SLC2A12: variants seen among roughly 807,000 people sequenced by gnomAD.
SLC2A12 encodes solute carrier family 2 member 12.
A neutral mutation model predicts 41.8 loss-of-function variants in SLC2A12; 23 were observed. The observed-to-expected ratio is 0.55, with a 90% confidence interval of 0.40 to 0.78. The LOEUF is 0.78. Among genes scored for constraint, SLC2A12 ranks in the 30% least tolerant of loss-of-function variants. The probability of loss-of-function intolerance (pLI) is 0.00; values close to 1 mark genes in which losing one functional copy is unlikely to be tolerated. For synonymous variants in SLC2A12, 295 were observed against 285.9 expected (o/e 1.03, Z -0.32); for missense variants, 654 against 745.6 (o/e 0.88, Z 1.43).
Position 133,989,230 on chromosome 6 carries a change from G to A in SLC2A12, c.*1925C>T, listed in dbSNP as rs1426754709. 1.3e-5 allele frequency: 2 copies of A among 152,082 alleles called. No homozygotes were observed. The highest frequency in any genetic ancestry group is 2.4e-5 in the African/African-American group (1 of 41,424). 9.4% of individuals were successfully genotyped at this position (152,082 alleles called of 1,614,324 possible). On this transcript the variant is annotated 3_prime_UTR_variant, in exon 5 of 5. Coordinates refer to ENST00000275230, the MANE Select transcript of SLC2A12 (RefSeq NM_145176.3). ...AAAAACTGTGAATATATATGTACAA[G>A]TTGTAAGTATTTCCCCCTTTTTATT...
chr6:133,987,660 A>ATATATATATATATG lies in SLC2A12; in HGVS notation c.*3494_*3495insCATATATATATATA, dbSNP rs1014795332. The ATATATATATATATG allele has an allele frequency of 4.8e-5, 7 of 145,008 alleles. No homozygotes were observed. The highest frequency in any genetic ancestry group is 7.1e-5 in the Admixed American group (1 of 14,032). The allele number at this position is 145,008 out of a possible 1,614,324, so 9.0% of individuals were successfully genotyped here. A position where few individuals can be genotyped will look rare whatever the true frequency, so the allele number is the denominator to read the frequency against. On this transcript the variant is annotated 3_prime_UTR_variant, in exon 5 of 5. Transcript: ENST00000275230. ...TGTGTGTGTGTGTGTATATATATAT[A>ATATATATATATATG]TATATATGCACCACATGTGTATAGT...
At chr6:133,995,843 G>A (rs1294383793) in intron 4 of SLC2A12, among the ~76,000 whole-genome samples, 1 of 152,194 alleles carries the variant, frequency 6.6e-6, no homozygotes, top group Non-Finnish European at 1.5e-5. Flanking sequence ...CTAACTCATT[G>A]TCAAAGATTA....
At chr6:134,001,088 G>A (rs944323690) in intron 4 of SLC2A12, among the ~76,000 whole-genome samples, 12 of 151,710 alleles carry the variant, frequency 7.9e-5, no homozygotes, top group Admixed American at 2.0e-4. Flanking sequence ...CTAGAGAGGC[G>A]GAAGAAGTTC....
At chr6:134,029,851 T>C (rs1434215201) in intron 1 of SLC2A12, 130 bp from the exon 2 acceptor site, 2 of 1,180,860 alleles carry the variant, frequency 1.7e-6, no homozygotes, top group Non-Finnish European at 2.3e-6. Context: ...ACAATTATGA[T>C]AAAATAATAC....
At chr6:134,023,908 G>A (rs564802800) in intron 2 of SLC2A12, among the ~76,000 whole-genome samples, 1 of 152,314 alleles carries the variant, frequency 6.6e-6, no homozygotes, top group East Asian at 1.9e-4. Flanking sequence ...AGCTAAGCTA[G>A]AAGGACATTT....
At chr6:133,997,823 G>A (rs229906) in intron 4 of SLC2A12, among the ~76,000 whole-genome samples, 99,302 of 152,050 alleles carry the variant, frequency 0.65, 32,593 homozygotes, top group East Asian at 0.88. Flanking sequence ...AAAAAATTCT[G>A]AAAGCACCTT....
chr6:134,032,446 A>T (rs1165240353), intron 1 of SLC2A12, among the ~76,000 whole-genome samples: 3 of 46,420 alleles, frequency 6.5e-5, no homozygotes, highest in African/African-American at 3.0e-4. Flanking sequence ...ATATATATAT[A>T]TAAATATATA....
intron 4 of SLC2A12, among the ~76,000 whole-genome samples, chr6:133,995,274 A>G (rs1776673287): frequency 6.6e-6 from 1 of 152,158 alleles, no homozygotes; most frequent in African/African-American, 2.4e-5. Context: ...GGAGTAGGTA[A>G]AGATGCAGAT....
chr6:134,017,982 T>G (rs1225160504), intron 2 of SLC2A12, among the ~76,000 whole-genome samples: 2 of 152,124 alleles, frequency 1.3e-5, no homozygotes, highest in African/African-American at 2.4e-5. Flanking sequence ...GGAAGCCCTC[T>G]GGACTGCAGG....
chr6:134,047,768 C>T (rs1360133370), intron 1 of SLC2A12, among the ~76,000 whole-genome samples: 1 of 152,228 alleles, frequency 6.6e-6, no homozygotes, highest in African/African-American at 2.4e-5. Context: ...AGGACAGAGG[C>T]ACCGACCTAT....
intron 2 of SLC2A12, among the ~76,000 whole-genome samples, chr6:134,007,733 A>T (rs1330968181): frequency 6.6e-6 from 1 of 152,220 alleles, no homozygotes; most frequent in South Asian, 2.1e-4. Flanking sequence ...AACAGCCAGA[A>T]GTTCTTACTG....
intron 4 of SLC2A12, among the ~76,000 whole-genome samples, chr6:134,001,072 G>C (rs1023408142): frequency 6.6e-6 from 1 of 151,886 alleles, no homozygotes; most frequent in Admixed American, 6.6e-5. Flanking sequence ...AACCTGTTGG[G>C]GGGAGCTAGA....
At chr6:134,020,983 C>T (rs1777032884) in intron 2 of SLC2A12, among the ~76,000 whole-genome samples, 3 of 152,142 alleles carry the variant, frequency 2.0e-5, no homozygotes, top group Non-Finnish European at 4.4e-5. Flanking sequence ...CCAAAATTCT[C>T]GAATAACTAT....
In SLC2A12 at chr6:134,021,798, C is replaced by G. The variant is rs76366430; in HGVS notation, c.1444+6583G>C. ...TAGTAGTTCATACAAATAAAGACCTCTAAAAAATGGAGTGGATTCAAAGAG... is the reference window on the plus strand; with the variant it reads ...TAGTAGTTCATACAAATAAAGACCTGTAAAAAATGGAGTGGATTCAAAGAG... On this transcript the variant is annotated intron_variant, in intron 2 of 4. Transcript: ENST00000275230. Among the ~76,000 whole-genome samples the G allele has an allele frequency of 9.0e-4, 137 of 152,256 alleles. 3 individuals are homozygous for G. In the East Asian group the frequency reaches 0.022, roughly 24 times the overall value.
At chr6:133,999,280 G>A (rs1776728516) in intron 4 of SLC2A12, among the ~76,000 whole-genome samples, 1 of 152,204 alleles carries the variant, frequency 6.6e-6, no homozygotes, top group South Asian at 2.1e-4. Context: ...GAGAAATCAG[G>A]AGATTAGAGC....
chr6:134,016,611 A>G (rs773774473), intron 2 of SLC2A12, among the ~76,000 whole-genome samples: 34 of 152,020 alleles, frequency 2.2e-4, no homozygotes, highest in African/African-American at 5.8e-4. Context: ...TTGCTTTGCT[A>G]TGGATAATAA....
intron 3 of SLC2A12, among the ~76,000 whole-genome samples, chr6:134,003,499 G>C (rs938517740): frequency 7.9e-5 from 12 of 152,158 alleles, no homozygotes; most frequent in African/African-American, 2.7e-4. Context: ...CTGCTAAAAA[G>C]TTATTCCTTG....
intron 1 of SLC2A12, among the ~76,000 whole-genome samples, chr6:134,049,787 A>C (rs374809058): frequency 6.6e-6 from 1 of 152,186 alleles, no homozygotes; most frequent in African/African-American, 2.4e-5. Context: ...GACCTACCAA[A>C]ATTTTTCACT....
Position 134,039,619 on chromosome 6 carries a change from G to GT in SLC2A12, c.104-9899dup, listed in dbSNP as rs549683951. Among the ~76,000 whole-genome samples the GT allele has an allele frequency of 2.1e-4, 32 of 151,658 alleles. No homozygotes were observed. The East Asian group carries it at 2.9e-3, about 14-fold the overall frequency. ...TTATGATATTTTTGACTGTGATACA[G>GT]TTTTTTTTTAATCACAATTGATGTC... On this transcript the variant is annotated intron_variant, in intron 1 of 4. Coordinates refer to ENST00000275230, the MANE Select transcript of SLC2A12 (RefSeq NM_145176.3).
Sources: gnomAD v4.1 joint callset for allele counts (sites outside exome capture counted in the v4.1 genomes callset) on GRCh38, gnomAD v4.1.1 for gene constraint, MANE v1.5 for transcripts, NCBI Gene and HGNC (gene_info 2026-07-23, HGNC 2026-07-21) for gene names.